Variants in RBMS3 observed in about 807,000 individuals in gnomAD.
The protein encoded by RBMS3 is RNA binding motif single stranded interacting protein 3.
Under a neutral mutation model 66.8 loss-of-function variants are expected in RBMS3, and 27 were observed. The ratio of observed to expected loss-of-function variants is 0.40; its 90% CI spans 0.30 to 0.56. RBMS3 has a LOEUF of 0.56. Among genes scored for constraint, RBMS3 ranks in the 20% least tolerant of loss-of-function variants. The pLI is 0.40. For synonymous variants in RBMS3, 188 were observed against 183.0 expected, an observed-to-expected ratio of 1.03 and a Z score of -0.22; for missense variants, 513 against 549.5, an observed-to-expected ratio of 0.93 and a Z score of 0.66.
intron 4 of RBMS3, among the ~76,000 whole-genome samples, chr3:29,668,482 A>G (rs2050859008): frequency 6.6e-6 from 1 of 152,182 alleles, no homozygotes; most frequent in Non-Finnish European, 1.5e-5. Context: ...GTAGCTGCCT[A>G]CTGATGTTGA....
chr3:29,869,098 G>A, intron 7 of RBMS3, 134 bp downstream of exon 7: 2 of 662,900 alleles, frequency 3.0e-6, no homozygotes, highest in Non-Finnish European at 5.1e-6. Context: ...GGGCAAATGA[G>A]CAGACCCATG....
At chr3:29,439,092 C>T (rs1003590062) in intron 2 of RBMS3, among the ~76,000 whole-genome samples, 1 of 152,082 alleles carries the variant, frequency 6.6e-6, no homozygotes, top group African/African-American at 2.4e-5. Flanking sequence ...CTGGAGGGGG[C>T]ATGCCAAGGA....
intron 1 of RBMS3, among the ~76,000 whole-genome samples, chr3:29,314,926 C>G (rs570100061): frequency 3.0e-4 from 45 of 151,590 alleles, no homozygotes; most frequent in African/African-American, 8.7e-4. Context: ...AGAAATATGC[C>G]AAAAATCACT....
At chr3:29,977,174 G>T (rs1021044355) in intron 12 of RBMS3, among the ~76,000 whole-genome samples, 3 of 152,010 alleles carry the variant, frequency 2.0e-5, no homozygotes, top group Non-Finnish European at 2.9e-5. Context: ...TTATAGCAAG[G>T]ACTGGAAGCA....
At chr3:29,595,551 G>A (rs1455009992) in intron 4 of RBMS3, among the ~76,000 whole-genome samples, 1 of 152,176 alleles carries the variant, frequency 6.6e-6, no homozygotes, top group East Asian at 1.9e-4. Context: ...ATAATGAATA[G>A]TCTTCATTCA....
At position 29,890,140 on chromosome 3, in the gene RBMS3, T is replaced by A. The variant is rs1026102765; in HGVS notation, c.791+5932T>A. On this transcript the variant is annotated intron_variant, in intron 8 of 14. Transcript: ENST00000383767. ...TTCTTTATAGAAATTATGTTTAAAC[T>A]GTTTTGCTTATCTTTGGTTTCATTA... Among the ~76,000 whole-genome samples the A allele has an allele frequency of 2.0e-5, 3 of 151,736 alleles. No homozygotes were observed. In the East Asian group the frequency reaches 5.8e-4, roughly 29 times the overall value.
chr3:29,695,116 C>T (rs2052207258), intron 4 of RBMS3, among the ~76,000 whole-genome samples: 1 of 151,836 alleles, frequency 6.6e-6, no homozygotes, highest in Non-Finnish European at 1.5e-5. Context: ...ATTCCAAGTC[C>T]CTTTGGAGTT....
chr3:29,596,934 G>C (rs1485248471), intron 4 of RBMS3, among the ~76,000 whole-genome samples: 1 of 152,130 alleles, frequency 6.6e-6, no homozygotes, highest in Non-Finnish European at 1.5e-5. Flanking sequence ...CACAGAAATA[G>C]TCCTTTAATT....
intron 4 of RBMS3, among the ~76,000 whole-genome samples, chr3:29,685,575 C>T (rs1488435792): frequency 1.3e-5 from 2 of 152,040 alleles, no homozygotes; most frequent in Non-Finnish European, 2.9e-5. Flanking sequence ...TTTCCTCCTT[C>T]CCTCAGGTGT....
At chr3:29,983,886 G>A (rs1698181103) in intron 12 of RBMS3, among the ~76,000 whole-genome samples, 1 of 152,020 alleles carries the variant, frequency 6.6e-6, no homozygotes, top group Non-Finnish European at 1.5e-5. Flanking sequence ...ATGAATATGT[G>A]TCTTGGGGTT....
At chr3:29,991,044 A>G (rs373192020) in intron 13 of RBMS3, 38 bp from the exon 14 acceptor site, 12 of 1,603,976 alleles carry the variant, frequency 7.5e-6, no homozygotes, top group Non-Finnish European at 1.0e-5. Flanking sequence ...CCTTCACTGA[A>G]GCAAGTAAGG....
chr3:29,411,209 A>G (rs1174891730), intron 1 of RBMS3, among the ~76,000 whole-genome samples: 1 of 152,160 alleles, frequency 6.6e-6, no homozygotes, highest in African/African-American at 2.4e-5. Context: ...AGAAAGATCT[A>G]CTCATATTTC....
intron 7 of RBMS3, among the ~76,000 whole-genome samples, chr3:29,873,877 GATTAATTGC>G (rs1271858027): frequency 6.6e-6 from 1 of 152,134 alleles, no homozygotes; most frequent in Non-Finnish European, 1.5e-5. Flanking sequence ...CTGTTTATGT[GATTAATTGC>G]ATTTATTAAT....
intron 6 of RBMS3, among the ~76,000 whole-genome samples, chr3:29,776,486 G>A (rs1427743584): frequency 1.3e-5 from 2 of 151,812 alleles, no homozygotes; most frequent in Admixed American, 6.6e-5. Context: ...TGCATGTTGT[G>A]TACATGTACC....
At chr3:29,316,368 A>AC (rs1217640454) in intron 1 of RBMS3, among the ~76,000 whole-genome samples, 7 of 151,736 alleles carry the variant, frequency 4.6e-5, no homozygotes, top group Admixed American at 4.0e-4. Context: ...CTTACTCATA[A>AC]TTGAAAGTTC....
chr3:29,512,531 C>T (rs3773048), intron 3 of RBMS3, among the ~76,000 whole-genome samples: 21,029 of 152,022 alleles, frequency 0.14, 1,566 homozygotes, highest in Middle Eastern at 0.17. Flanking sequence ...AGGATATAAA[C>T]ATAATTCTAT....
At chr3:29,378,959 C>T (rs553004102) in intron 1 of RBMS3, among the ~76,000 whole-genome samples, 3 of 152,146 alleles carry the variant, frequency 2.0e-5, no homozygotes, top group Non-Finnish European at 4.4e-5. Context: ...ACCTTTGAAA[C>T]AAGTCTGCTG....
At chr3:29,682,530 C>T (rs1163592587) in intron 4 of RBMS3, among the ~76,000 whole-genome samples, 4 of 152,120 alleles carry the variant, frequency 2.6e-5, no homozygotes, top group Non-Finnish European at 5.9e-5. Flanking sequence ...AGGAAGGATC[C>T]TGTCTATACT....
At chr3:29,330,526 CTA>C (rs2035594539) in intron 1 of RBMS3, among the ~76,000 whole-genome samples, 2 of 101,074 alleles carry the variant, frequency 2.0e-5, no homozygotes, top group East Asian at 5.1e-4. Context: ...TTATTATTGT[CTA>C]TAAAAAATCC....
Sources: allele counts gnomAD v4.1 joint callset (sites outside exome capture counted in the v4.1 genomes callset), GRCh38; gene constraint gnomAD v4.1.1; transcripts MANE v1.5; gene names NCBI Gene and HGNC (gene_info 2026-07-23, HGNC 2026-07-21).